The following NKAIN3 variants were observed in gnomAD, a reference collection of about 807,000 sequenced individuals.
The protein encoded by NKAIN3 is sodium/potassium transporting ATPase interacting 3.
In NKAIN3, 25 loss-of-function variants were observed where a neutral mutation model predicts 30.2. That is an observed-to-expected ratio of 0.83 (90% CI 0.60 to 1.16). The LOEUF is 1.16. Ranked by LOEUF, NKAIN3 falls within the 50% of genes most tolerant of loss-of-function variation. The probability of loss-of-function intolerance (pLI) is 0.00; values close to 1 mark genes in which losing one functional copy is unlikely to be tolerated. For synonymous variants in NKAIN3, 91 were observed against 89.6 expected (o/e 1.02, Z -0.09); for missense variants, 225 against 254.1 (o/e 0.89, Z 0.78).
intron 3 of NKAIN3, among the ~76,000 whole-genome samples, chr8:62,637,813 G>A (rs1022409939): frequency 1.4e-4 from 21 of 152,206 alleles, no homozygotes; most frequent in African/African-American, 5.1e-4. Context: ...GGGGAGATGA[G>A]GAATAAGAAC....
intron 4 of NKAIN3, among the ~76,000 whole-genome samples, chr8:62,890,423 G>A (rs1160867097): frequency 2.0e-5 from 3 of 152,180 alleles, no homozygotes; most frequent in Non-Finnish European, 4.4e-5. Flanking sequence ...CCTACATGCA[G>A]GATGCAGGTC....
chr8:62,382,357 G>A (rs62509210), intron 1 of NKAIN3, among the ~76,000 whole-genome samples: 20,765 of 152,124 alleles, frequency 0.14, 1,718 homozygotes, highest in East Asian at 0.4. Context: ...CTGAGGAAGA[G>A]GAGGCAAAGT....
chr8:62,508,445 C>G (rs1807712167), intron 1 of NKAIN3, among the ~76,000 whole-genome samples: 1 of 152,148 alleles, frequency 6.6e-6, no homozygotes, highest in African/African-American at 2.4e-5. Context: ...TCCTTTGCTG[C>G]ACATCACAAA....
In NKAIN3 at chr8:62,304,252, A is replaced by G. The variant is rs1814149849; in HGVS notation, c.54+55125A>G. Reference sequence around the variant, plus strand: ...AATTTTCAGTGCTCTCTCAGCCCCAATCTAAGCACAGAGAAATGTAGTATA... The same window carrying G: ...AATTTTCAGTGCTCTCTCAGCCCCAGTCTAAGCACAGAGAAATGTAGTATA... On this transcript the variant is annotated intron_variant, in intron 1 of 6. Coordinates refer to ENST00000623646, the MANE Select transcript of NKAIN3 (RefSeq NM_001304533.3). Among the ~76,000 whole-genome samples the G allele has an allele frequency of 1.3e-5, 2 of 150,538 alleles. 1 individual carries two copies. Among genetic ancestry groups the G allele is most frequent in the African/African-American group, 5.0e-5 (2 of 39,976 alleles).
At position 62,977,364 on chromosome 8, in the gene NKAIN3, C is replaced by T. The variant is rs984207211; in HGVS notation, c.*11957C>T. Among the ~76,000 whole-genome samples, 1 of 151,982 alleles carries T rather than the reference C, an allele frequency of 6.6e-6. No homozygotes were observed. The highest frequency in any genetic ancestry group is 2.4e-5 in the African/African-American group (1 of 41,388). ...GTTGGCTTGGTCTTTTCACATAGTC[C>T]CATATTTCTGAGAGGTTCTGTTCAT... On this transcript the variant is annotated 3_prime_UTR_variant, in exon 7 of 7. Transcript: ENST00000623646.
intron 1 of NKAIN3, among the ~76,000 whole-genome samples, chr8:62,271,345 G>A (rs996377731): frequency 2.0e-5 from 3 of 152,124 alleles, no homozygotes; most frequent in African/African-American, 7.2e-5. Flanking sequence ...CGCCAAATTG[G>A]GAATTTTAGA....
intron 4 of NKAIN3, among the ~76,000 whole-genome samples, chr8:62,864,347 A>G (rs533885438): frequency 1.3e-5 from 2 of 152,298 alleles, no homozygotes; most frequent in South Asian, 4.1e-4. Context: ...GATGATGTAG[A>G]TCAGGAACTT....
chr8:62,895,348 T>A (rs1353922765), intron 4 of NKAIN3, among the ~76,000 whole-genome samples: 1 of 152,192 alleles, frequency 6.6e-6, no homozygotes, highest in Non-Finnish European at 1.5e-5. Context: ...AACAATTGCT[T>A]CCTGCACTCC....
intron 4 of NKAIN3, among the ~76,000 whole-genome samples, chr8:62,845,936 C>G (rs776589388): frequency 6.6e-6 from 1 of 152,042 alleles, no homozygotes; most frequent in African/African-American, 2.4e-5. Context: ...TAAAAACAAA[C>G]CTGCTTTGTG....
intron 4 of NKAIN3, among the ~76,000 whole-genome samples, chr8:62,893,522 G>T (rs932813878): frequency 6.6e-6 from 1 of 152,138 alleles, no homozygotes; most frequent in African/African-American, 2.4e-5. Flanking sequence ...TAAGCTATGG[G>T]CTATGGGCTG....
chr8:62,912,759 A>G lies in NKAIN3; in HGVS notation c.472-5694A>G, dbSNP rs554384876. Among the ~76,000 whole-genome samples, 13 of 152,034 alleles carry G rather than the reference A, an allele frequency of 8.6e-5. No individual in the cohort carries two copies. In the South Asian group the frequency reaches 2.3e-3, roughly 27 times the overall value. ...ACCCCATCTCTACTAAAAATACACA[A>G]TTCGCCAGGCATGGTGGTGCATGCC... On this transcript the variant is annotated intron_variant, in intron 4 of 6. Transcript: ENST00000623646.
intron 1 of NKAIN3, chr8:62,344,937 T>G: frequency 3.2e-6 from 1 of 308,982 alleles, no homozygotes; most frequent in Non-Finnish European, 6.3e-6. Flanking sequence ...TCCAGTACAA[T>G]CCAATATATT....
At chr8:62,692,735 C>T (rs576262798) in intron 3 of NKAIN3, among the ~76,000 whole-genome samples, 2 of 152,300 alleles carry the variant, frequency 1.3e-5, no homozygotes, top group East Asian at 3.9e-4. Context: ...TGAGGCCACT[C>T]GACATTCTCT....
intron 1 of NKAIN3, among the ~76,000 whole-genome samples, chr8:62,468,007 C>A (rs1806216017): frequency 6.6e-6 from 1 of 151,996 alleles, no homozygotes; most frequent in Non-Finnish European, 1.5e-5. Context: ...TCCTGAGCTC[C>A]AGTGATCCAC....
intron 3 of NKAIN3, among the ~76,000 whole-genome samples, chr8:62,655,180 A>T (rs894169356): frequency 1.3e-5 from 2 of 152,174 alleles, no homozygotes; most frequent in African/African-American, 4.8e-5. Context: ...ACCAAGATGG[A>T]CCTGAGCTGA....
intron 4 of NKAIN3, among the ~76,000 whole-genome samples, chr8:62,870,311 TAGAG>T (rs1310985347): frequency 2.9e-4 from 20 of 70,014 alleles, no homozygotes; most frequent in South Asian, 1.5e-3. Context: ...CATCTATATA[TAGAG>T]AGATATATAA....
chr8:62,433,370 G>T (rs1315881547), intron 1 of NKAIN3, among the ~76,000 whole-genome samples: 3 of 152,024 alleles, frequency 2.0e-5, no homozygotes. Flanking sequence ...CAATGCAAAT[G>T]ACAGGTAGTT....
intron 1 of NKAIN3, among the ~76,000 whole-genome samples, chr8:62,289,188 A>G (rs575316232): frequency 1.3e-5 from 2 of 152,274 alleles, no homozygotes; most frequent in East Asian, 1.9e-4. Flanking sequence ...CCCATTCTGT[A>G]GGTTGCCTGT....
chr8:62,537,872 C>G (rs1808713364), intron 1 of NKAIN3, among the ~76,000 whole-genome samples: 1 of 152,248 alleles, frequency 6.6e-6, no homozygotes, highest in East Asian at 1.9e-4. Flanking sequence ...CTGCTCAACA[C>G]TGGATTTGCA....
Sources: gnomAD v4.1 joint callset for allele counts (sites outside exome capture counted in the v4.1 genomes callset) on GRCh38, gnomAD v4.1.1 for gene constraint, MANE v1.5 for transcripts, NCBI Gene and HGNC (gene_info 2026-07-23, HGNC 2026-07-21) for gene names.